The following FILIP1L variants were observed in gnomAD, a reference collection of about 807,000 sequenced individuals.
FILIP1L encodes the protein filamin A interacting protein 1 like.
In FILIP1L, 55 loss-of-function variants were observed where a neutral mutation model predicts 96.6. That is an observed-to-expected ratio of 0.57 (90% CI 0.46 to 0.71). The LOEUF is 0.71. Among genes scored for constraint, FILIP1L ranks in the 30% least tolerant of loss-of-function variants. FILIP1L has a pLI of 0.00. For missense variants in FILIP1L, 1,304 were observed against 1,321.2 expected, an observed-to-expected ratio of 0.99 and a Z score of 0.20; for synonymous variants, 467 against 473.9, an observed-to-expected ratio of 0.99 and a Z score of 0.19.
At chr3:99,950,912 G>T (rs1261856107) in intron 1 of FILIP1L, among the ~76,000 whole-genome samples, 4 of 152,206 alleles carry the variant, frequency 2.6e-5, no homozygotes, top group Non-Finnish European at 5.9e-5. Flanking sequence ...GTAGTAGCTG[G>T]AGGGAGGGGA....
chr3:99,882,484 C>T (rs1017645202), intron 4 of FILIP1L, among the ~76,000 whole-genome samples: 12 of 152,090 alleles, frequency 7.9e-5, no homozygotes, highest in Non-Finnish European at 1.6e-4. Context: ...AAAAGGTGTG[C>T]TTAGAGTTTT....
chr3:99,873,793 C>CTGTTACTA, intron 4 of FILIP1L, among the ~76,000 whole-genome samples: 1 of 152,276 alleles, frequency 6.6e-6, no homozygotes, highest in South Asian at 2.1e-4. Context: ...TTCATACTGG[C>CTGTTACTA]TGTTACTATA....
Position 99,850,604 on chromosome 3 carries a change from T to G in FILIP1L, c.1072A>C (p.Ile358Leu). The G allele has an allele frequency of 3.7e-6, 6 of 1,613,884 alleles. No individual in the cohort carries two copies. The highest frequency in any genetic ancestry group is 5.1e-6 in the Non-Finnish European group (6 of 1,180,022). ...GCGTTTCCATATTCTCCCTTACTGATTTTTTCTTTTATATCTTGCAGCTCC... is the reference window on the plus strand; with the variant it reads ...GCGTTTCCATATTCTCCCTTACTGAGTTTTTCTTTTATATCTTGCAGCTCC... The part of the protein sequence containing the change: ...EEELQDIKEK[I>L]SKGEYGNAGI... The change falls in exon 5 of 6, where the codon ATC becomes CTC. Residue 358 changes from isoleucine (I) to leucine (L), a missense_variant. Transcript: ENST00000477258.
intron 1 of FILIP1L, among the ~76,000 whole-genome samples, chr3:100,051,626 G>A (rs983880880): frequency 4.7e-5 from 7 of 149,940 alleles, no homozygotes; most frequent in Non-Finnish European, 7.4e-5. Context: ...TTGTCCTTGC[G>A]ATAGTTTGCT....
intron 1 of FILIP1L, among the ~76,000 whole-genome samples, chr3:99,936,071 A>G (rs1464865192): frequency 2.6e-5 from 4 of 152,166 alleles, no homozygotes; most frequent in Non-Finnish European, 1.5e-5. Context: ...CTACTTAGAC[A>G]TACTTTTTAG....
At chr3:100,007,397 C>A (rs1354797624) in intron 1 of FILIP1L, among the ~76,000 whole-genome samples, 1 of 152,072 alleles carries the variant, frequency 6.6e-6, no homozygotes, top group Non-Finnish European at 1.5e-5. Context: ...CTCGCTAATG[C>A]ATTTTGTGTG....
chr3:99,984,995 T>G (rs896072951), intron 1 of FILIP1L, among the ~76,000 whole-genome samples: 1 of 152,196 alleles, frequency 6.6e-6, no homozygotes, highest in African/African-American at 2.4e-5. Context: ...TAACTCGTGT[T>G]AAAAATAAAT....
At chr3:99,908,491 T>G (rs1706691851) in intron 4 of FILIP1L, among the ~76,000 whole-genome samples, 1 of 152,156 alleles carries the variant, frequency 6.6e-6, no homozygotes, top group Non-Finnish European at 1.5e-5. Context: ...TTTAAGTGTC[T>G]CCCCAGGCAA....
At chr3:99,881,779 C>G (rs547565094) in intron 4 of FILIP1L, among the ~76,000 whole-genome samples, 1 of 152,022 alleles carries the variant, frequency 6.6e-6, no homozygotes, top group Non-Finnish European at 1.5e-5. Context: ...GTGATCTGCC[C>G]GCCTCGGCCT....
chr3:99,946,234 T>G (rs1337984950), intron 1 of FILIP1L, among the ~76,000 whole-genome samples: 2 of 152,220 alleles, frequency 1.3e-5, no homozygotes, highest in African/African-American at 2.4e-5. Flanking sequence ...TGGATACTAT[T>G]GTGATTGATA....
chr3:100,059,685 T>G (rs1054605067), intron 1 of FILIP1L, among the ~76,000 whole-genome samples: 3 of 152,222 alleles, frequency 2.0e-5, no homozygotes, highest in Non-Finnish European at 4.4e-5. Flanking sequence ...GGACCCATCA[T>G]GCCTGAAGAA....
intron 1 of FILIP1L, among the ~76,000 whole-genome samples, chr3:100,054,764 A>C (rs1398233630): frequency 6.6e-6 from 1 of 152,142 alleles, no homozygotes; most frequent in Non-Finnish European, 1.5e-5. Flanking sequence ...GATGAGATGC[A>C]CAACTTCTAT....
At chr3:100,011,917 TC>T (rs1710167656) in intron 1 of FILIP1L, among the ~76,000 whole-genome samples, 1 of 152,218 alleles carries the variant, frequency 6.6e-6, no homozygotes, top group Non-Finnish European at 1.5e-5. Flanking sequence ...ATAGAGAACT[TC>T]CACTTTTAGT....
intron 1 of FILIP1L, among the ~76,000 whole-genome samples, chr3:100,106,330 A>T (rs2066394599): frequency 6.6e-6 from 1 of 152,176 alleles, no homozygotes; most frequent in Non-Finnish European, 1.5e-5. Flanking sequence ...AGGCCAGCCT[A>T]GGCATGACTG....
chr3:99,881,360 C>T (rs1705720880), intron 4 of FILIP1L, among the ~76,000 whole-genome samples: 1 of 152,016 alleles, frequency 6.6e-6, no homozygotes, highest in Non-Finnish European at 1.5e-5. Context: ...AAATGTTGAA[C>T]TCACAAGTAT....
chr3:99,947,137 CAAA>C (rs397829321), intron 1 of FILIP1L, among the ~76,000 whole-genome samples: 1 of 88,826 alleles, frequency 1.1e-5, no homozygotes. Flanking sequence ...GACTCTGTCT[CAAA>C]AAAAAAAAAA....
intron 4 of FILIP1L, among the ~76,000 whole-genome samples, chr3:99,885,879 G>A (rs1008427939): frequency 6.6e-6 from 1 of 152,140 alleles, no homozygotes; most frequent in Non-Finnish European, 1.5e-5. Flanking sequence ...TGTAAATCTA[G>A]AATGGGGAAT....
chr3:99,901,321 T>C (rs1706429185), intron 4 of FILIP1L, among the ~76,000 whole-genome samples: 1 of 152,178 alleles, frequency 6.6e-6, no homozygotes, highest in Non-Finnish European at 1.5e-5. Context: ...AAAATTGATA[T>C]TTATTTCTAA....
chr3:99,834,649 CTT>C (rs905682245), intron 5 of FILIP1L, among the ~76,000 whole-genome samples: 1 of 152,092 alleles, frequency 6.6e-6, no homozygotes, highest in African/African-American at 2.4e-5. Context: ...CTCAGCTTTT[CTT>C]TTTTTGTACC....
Sources: allele counts gnomAD v4.1 joint callset (sites outside exome capture counted in the v4.1 genomes callset), GRCh38; gene constraint gnomAD v4.1.1; transcripts MANE v1.5; gene names NCBI Gene and HGNC (gene_info 2026-07-23, HGNC 2026-07-21).